The following PDE1A variants were observed in gnomAD, a reference collection of about 807,000 sequenced individuals.
PDE1A encodes dual specificity calcium/calmodulin-dependent 3',5'-cyclic nucleotide phosphodiesterase 1A.
PDE1A carries 35 observed loss-of-function variants against 61.7 expected under a neutral mutation model. The ratio of observed to expected loss-of-function variants is 0.57; its 90% CI spans 0.43 to 0.75. The LOEUF (loss-of-function observed/expected upper bound fraction) is 0.75. Ranked by LOEUF, PDE1A falls within the 30% of genes least tolerant of loss-of-function variation. The pLI is 0.00. For synonymous variants in PDE1A, 232 were observed against 213.2 expected, an observed-to-expected ratio of 1.09 and a Z score of -0.77; for missense variants, 597 against 630.6, an observed-to-expected ratio of 0.95 and a Z score of 0.57.
Position 182,186,262 on chromosome 2 carries a change from C to T in PDE1A, c.1329-183G>A, listed in dbSNP as rs547067481. On this transcript the variant is annotated intron_variant, in intron 12 of 13. Coordinates refer to ENST00000351439, the Ensembl canonical transcript of PDE1A. ...TCCCCACACTGGATTCTCCTTAGTACACACCTTACTTAGTATTTCATATTT... is the reference window on the plus strand; with the variant it reads ...TCCCCACACTGGATTCTCCTTAGTATACACCTTACTTAGTATTTCATATTT... Among the ~76,000 whole-genome samples, 20 of 152,258 alleles carry T rather than the reference C, an allele frequency of 1.3e-4. No homozygotes were observed. The South Asian group carries it at 1.7e-3, about 13-fold the overall frequency.
chr2:182,236,552 C>A (rs1690034229), intron 3 of PDE1A, among the ~76,000 whole-genome samples: 1 of 152,182 alleles, frequency 6.6e-6, no homozygotes, highest in Admixed American at 6.5e-5. Context: ...AGAACACATG[C>A]TTTGAATCAC....
chr2:182,386,979 G>A (rs1482619205), intron 1 of PDE1A, among the ~76,000 whole-genome samples: 1 of 152,242 alleles, frequency 6.6e-6, no homozygotes, highest in Non-Finnish European at 1.5e-5. Context: ...AAATAGAAAA[G>A]GGGGAAAGGT....
At chr2:182,212,323 T>A (rs1164298831) in intron 7 of PDE1A, among the ~76,000 whole-genome samples, 1 of 150,624 alleles carries the variant, frequency 6.6e-6, no homozygotes, top group East Asian at 1.9e-4. Context: ...AATTAACATA[T>A]GTGTTACTTC....
chr2:182,433,377 T>C (rs1704051407), intron 2 of PDE1A, among the ~76,000 whole-genome samples: 1 of 152,100 alleles, frequency 6.6e-6, no homozygotes, highest in Non-Finnish European at 1.5e-5. Context: ...TTTTGGGGGT[T>C]CTCTTTTCTG....
intron 1 of PDE1A, among the ~76,000 whole-genome samples, chr2:182,381,440 C>T (rs370213569): frequency 5.9e-5 from 9 of 152,032 alleles, no homozygotes; most frequent in East Asian, 1.9e-4. Flanking sequence ...AGGATGGTGG[C>T]GAATTGCCCT....
chr2:182,329,550 G>A lies in PDE1A; in HGVS notation c.54-65136C>T, dbSNP rs72899074. Among the ~76,000 whole-genome samples, 533 of 151,894 alleles carry A rather than the reference G, an allele frequency of 3.5e-3. 6 individuals are homozygous for A. The highest frequency in any genetic ancestry group is 0.017 in the Middle Eastern group (5 of 294). On this transcript the variant is annotated intron_variant, in intron 1 of 13. Coordinates refer to ENST00000351439, the Ensembl canonical transcript of PDE1A. ...GATTACAGGCACCCGCCAGCAGCCC[G>A]AGCTAATTTTTTGTATTTTTAGTAG...
intron 1 of PDE1A, among the ~76,000 whole-genome samples, chr2:182,361,089 G>C (rs533086282): frequency 3.5e-4 from 53 of 152,148 alleles, no homozygotes; most frequent in Middle Eastern, 6.8e-3. Context: ...CGAAACTAAG[G>C]ATCAGAGGTC....
chr2:182,268,177 C>A (rs929155799), intron 1 of PDE1A, among the ~76,000 whole-genome samples: 4 of 151,992 alleles, frequency 2.6e-5, no homozygotes, highest in African/African-American at 4.8e-5. Context: ...ATGTTCTAAT[C>A]TGAGCAGTTT....
At chr2:182,568,899 T>C in the PDE1A span, among the ~76,000 whole-genome samples, 1 of 152,074 alleles carries the variant, frequency 6.6e-6, no homozygotes, top group Non-Finnish European at 1.5e-5. Context: ...TTTAAGAGAT[T>C]AATCACCAAT....
At chr2:182,160,003 T>C (rs1343092812) in intron 13 of PDE1A, among the ~76,000 whole-genome samples, 14 of 152,182 alleles carry the variant, frequency 9.2e-5, no homozygotes, top group Admixed American at 9.2e-4. Flanking sequence ...AAACACTTTA[T>C]ATACATTGAC....
chr2:182,320,246 G>A (rs754831551), intron 1 of PDE1A, among the ~76,000 whole-genome samples: 1 of 152,142 alleles, frequency 6.6e-6, no homozygotes, highest in African/African-American at 2.4e-5. Context: ...CCAAGAACAT[G>A]GCTGGTTGGT....
chr2:182,378,388 A>G (rs1287786871), intron 1 of PDE1A, among the ~76,000 whole-genome samples: 1 of 152,200 alleles, frequency 6.6e-6, no homozygotes, highest in Non-Finnish European at 1.5e-5. Context: ...AAAGATAAAA[A>G]TGTTCAATGT....
exon 8 of PDE1A, chr2:182,205,985 T>A: frequency 6.2e-7 from 1 of 1,611,970 alleles, no homozygotes; most frequent in Non-Finnish European, 8.5e-7. Flanking sequence ...CATTTCTTCT[T>A]CTTGCATAAG....
At position 182,398,235 on chromosome 2, in the gene PDE1A, C is replaced by T. The variant is rs565036725; in HGVS notation, c.53+28343G>A. On this transcript the variant is annotated intron_variant, in intron 1 of 13. Transcript: ENST00000351439. ...TCTTGAATTATGATCACTTAAGAGG[C>T]AGACAGATATTTAATATTCATACTG... 2.2e-5 allele frequency among the ~76,000 whole-genome samples: 3 copies of T among 136,406 alleles called. No individual in the cohort carries two copies. The South Asian group carries it at 6.2e-4, about 28-fold the overall frequency. 89.5% of individuals were successfully genotyped at this position (136,406 alleles called of 152,430 possible).
chr2:182,246,604 C>T lies in PDE1A; in HGVS notation c.168-6312G>A, dbSNP rs535131658. On this transcript the variant is annotated intron_variant, in intron 2 of 13. Transcript: ENST00000351439. ...TTTTAGTAGAGACAGGGTTGGGTTT[C>T]GCCATGTTGGCCAGGCTGGTCTCAA... Among the ~76,000 whole-genome samples the T allele has an allele frequency of 1.1e-3, 161 of 151,772 alleles. 1 individual carries two copies. The highest frequency in any genetic ancestry group is 1.0e-3 in the African/African-American group (43 of 41,440).
At chr2:182,352,217 T>C (rs1461381746) in intron 1 of PDE1A, among the ~76,000 whole-genome samples, 1 of 152,226 alleles carries the variant, frequency 6.6e-6, no homozygotes, top group African/African-American at 2.4e-5. Flanking sequence ...CGGTGTAAAA[T>C]GGGTTCCCAA....
At chr2:182,560,286 T>C in the PDE1A span, among the ~76,000 whole-genome samples, 1 of 144,610 alleles carries the variant, frequency 6.9e-6, no homozygotes, top group African/African-American at 2.6e-5. Context: ...ATTGTTCAAT[T>C]CCCACCTATG....
At chr2:182,154,136 C>CT (rs756878618) in intron 13 of PDE1A, among the ~76,000 whole-genome samples, 5 of 152,096 alleles carry the variant, frequency 3.3e-5, no homozygotes, top group Non-Finnish European at 5.9e-5. Flanking sequence ...ATTGAGTTTT[C>CT]TTTGTAAAGC....
chr2:182,273,856 A>T (rs1050258307), intron 1 of PDE1A, among the ~76,000 whole-genome samples: 6 of 152,142 alleles, frequency 3.9e-5, no homozygotes, highest in African/African-American at 1.4e-4. Context: ...TCTCAGCACC[A>T]GTTCCACCAA....
Sources: gnomAD v4.1 joint callset for allele counts (sites outside exome capture counted in the v4.1 genomes callset) on GRCh38, gnomAD v4.1.1 for gene constraint, MANE v1.5 for transcripts, NCBI Gene and HGNC (gene_info 2026-07-23, HGNC 2026-07-21) for gene names.